LPP: variants seen among roughly 807,000 people sequenced by gnomAD.
LPP encodes LIM domain containing preferred translocation partner in lipoma.
Under a neutral mutation model 60.4 loss-of-function variants are expected in LPP, and 38 were observed. The ratio of observed to expected loss-of-function variants is 0.63; its 90% CI spans 0.49 to 0.83. The LOEUF (loss-of-function observed/expected upper bound fraction) is 0.83, where lower values mean the gene tolerates loss of function less well. Ranked by LOEUF, LPP falls within the 40% of genes least tolerant of loss-of-function variation. The pLI is 0.00. For missense variants in LPP, 902 were observed against 783.6 expected (o/e 1.15, Z -1.80); for synonymous variants, 328 against 290.8 (o/e 1.13, Z -1.30).
chr3:188,668,740 T>C (rs1388655704), intron 7 of LPP, among the ~76,000 whole-genome samples: 1 of 152,214 alleles, frequency 6.6e-6, no homozygotes, highest in Non-Finnish European at 1.5e-5. Context: ...CTTATTCTTT[T>C]TCTGCAGATT....
intron 3 of LPP, among the ~76,000 whole-genome samples, chr3:188,355,337 CATA>C (rs1017175627): frequency 3.3e-5 from 5 of 152,130 alleles, no homozygotes; most frequent in Non-Finnish European, 7.4e-5. Context: ...GTATGATCGT[CATA>C]ATGATTTTGT....
chr3:188,679,779 T>C (rs1295041296), intron 7 of LPP, among the ~76,000 whole-genome samples: 1 of 152,190 alleles, frequency 6.6e-6, no homozygotes, highest in Admixed American at 6.5e-5. Context: ...TTTTCTTTTT[T>C]CTTATGGGGC....
At chr3:188,639,040 A>G (rs1419292782) in intron 7 of LPP, among the ~76,000 whole-genome samples, 18 of 150,740 alleles carry the variant, frequency 1.2e-4, no homozygotes, top group Admixed American at 1.2e-3. Flanking sequence ...GGAACCAAAA[A>G]AGAGCCCGCA....
At chr3:188,257,210 A>G (rs548099032) in intron 2 of LPP, among the ~76,000 whole-genome samples, 49 of 152,320 alleles carry the variant, frequency 3.2e-4, no homozygotes, top group Non-Finnish European at 6.3e-4. Context: ...TCCCTGTCTT[A>G]TGAAAAGAAG....
intron 2 of LPP, among the ~76,000 whole-genome samples, chr3:188,273,629 C>G (rs1267834688): frequency 9.0e-6 from 1 of 110,740 alleles, no homozygotes; most frequent in Non-Finnish European, 1.7e-5. Flanking sequence ...GAGTTTCACT[C>G]TTGTTGCCCA....
At chr3:188,795,817 T>C (rs913311824) in intron 9 of LPP, among the ~76,000 whole-genome samples, 2 of 152,244 alleles carry the variant, frequency 1.3e-5, no homozygotes, top group Non-Finnish European at 2.9e-5. Flanking sequence ...TCATTTTCCC[T>C]ACATAATATG....
chr3:188,714,040 C>T (rs1283174121), intron 8 of LPP, among the ~76,000 whole-genome samples: 1 of 152,184 alleles, frequency 6.6e-6, no homozygotes, highest in African/African-American at 2.4e-5. Flanking sequence ...CACAACATGA[C>T]TGGCAGACCT....
chr3:188,773,778 G>C (rs547397664), intron 9 of LPP, among the ~76,000 whole-genome samples: 1 of 151,984 alleles, frequency 6.6e-6, no homozygotes, highest in African/African-American at 2.4e-5. Context: ...ACATGTACAC[G>C]TAGTTTCTCC....
intron 2 of LPP, among the ~76,000 whole-genome samples, chr3:188,333,005 T>C (rs1050769411): frequency 6.9e-6 from 1 of 144,428 alleles, no homozygotes; most frequent in East Asian, 2.3e-4. Flanking sequence ...AAGATAGGTG[T>C]GGTGACATTA....
chr3:188,799,327 G>A (rs1022789992), intron 9 of LPP, among the ~76,000 whole-genome samples: 3 of 152,046 alleles, frequency 2.0e-5, no homozygotes, highest in Non-Finnish European at 4.4e-5. Context: ...CTTTACATTC[G>A]CGATGGGTAC....
intron 1 of LPP, among the ~76,000 whole-genome samples, chr3:188,181,432 A>G (rs938569546): frequency 1.3e-5 from 2 of 152,168 alleles, no homozygotes; most frequent in South Asian, 2.1e-4. Flanking sequence ...TTTGCTACAT[A>G]ATTGTATCTG....
At chr3:188,587,806 C>T (rs79221549) in intron 6 of LPP, among the ~76,000 whole-genome samples, 4,229 of 152,198 alleles carry the variant, frequency 0.028, 80 homozygotes, top group East Asian at 0.089. Context: ...TCTTATTTGT[C>T]GATGAGCTCA....
intron 7 of LPP, among the ~76,000 whole-genome samples, chr3:188,623,798 A>C (rs901611869): frequency 1.3e-5 from 2 of 152,214 alleles, no homozygotes; most frequent in African/African-American, 4.8e-5. Context: ...ATATATGTTA[A>C]GCTGCTGAGG....
intron 6 of LPP, among the ~76,000 whole-genome samples, chr3:188,570,562 G>A (rs1195954698): frequency 6.6e-6 from 1 of 152,062 alleles, no homozygotes; most frequent in African/African-American, 2.4e-5. Context: ...CTACACAAAG[G>A]ACTGTAATGT....
chr3:188,616,462 A>G lies in LPP; in HGVS notation c.1113+6618A>G, dbSNP rs571502794. Among the ~76,000 whole-genome samples, 30 of 152,300 alleles carry G rather than the reference A, an allele frequency of 2.0e-4. No individual in the cohort carries two copies. In the East Asian group the frequency reaches 5.4e-3, roughly 27 times the overall value. ...TGGTCTATATGTCTGTTTCAATACC[A>G]GTACCATGTTGTTTTGGTTACTGTA... On this transcript the variant is annotated intron_variant, in intron 7 of 11. Coordinates refer to ENST00000617246, the MANE Select transcript of LPP (RefSeq NM_001375462.1).
intron 4 of LPP, among the ~76,000 whole-genome samples, chr3:188,426,078 T>C (rs1789252493): frequency 6.6e-6 from 1 of 151,702 alleles, no homozygotes; most frequent in Admixed American, 6.6e-5. Context: ...CGCTTTCTCT[T>C]GTGGGTATTT....
Position 188,251,081 on chromosome 3 carries a change from C to T in LPP, c.-67+25554C>T, listed in dbSNP as rs562815582. 4.5e-3 allele frequency among the ~76,000 whole-genome samples: 549 copies of T among 122,680 alleles called. 7 individuals are homozygous for T. The highest frequency in any genetic ancestry group is 0.012 in the African/African-American group (317 of 26,606). 80.5% of individuals were successfully genotyped at this position (122,680 alleles called of 152,430 possible). A position where few individuals can be genotyped will look rare whatever the true frequency, so the allele number is the denominator to read the frequency against. The stretch of plus-strand genomic sequence containing the variant: ...TCTCTCTCTGTCTTTTTCTTTCTTT[C>T]TCTCTCTCTTTCTCTCTCTCTCTTT... On this transcript the variant is annotated intron_variant, in intron 2 of 11. Coordinates refer to ENST00000617246, the MANE Select transcript of LPP (RefSeq NM_001375462.1).
intron 9 of LPP, among the ~76,000 whole-genome samples, chr3:188,858,253 T>C (rs1241112168): frequency 2.0e-5 from 3 of 152,214 alleles, no homozygotes; most frequent in Non-Finnish European, 4.4e-5. Context: ...TCTTTCTCTC[T>C]CACCATAGTC....
intron 4 of LPP, among the ~76,000 whole-genome samples, chr3:188,441,918 C>T (rs1008179342): frequency 1.9e-4 from 29 of 152,144 alleles, no homozygotes; most frequent in Non-Finnish European, 2.4e-4. Flanking sequence ...CCACCGCGCC[C>T]GGCCGCAATA....
Sources: gnomAD v4.1 joint callset for allele counts (sites outside exome capture counted in the v4.1 genomes callset) on GRCh38, gnomAD v4.1.1 for gene constraint, MANE v1.5 for transcripts, NCBI Gene and HGNC (gene_info 2026-07-23, HGNC 2026-07-21) for gene names.